Variants in LHFPL3 observed in about 807,000 individuals in gnomAD.
LHFPL3 encodes the protein LHFPL tetraspan subfamily member 3 protein.
A neutral mutation model predicts 19.3 loss-of-function variants in LHFPL3; 5 were observed. The ratio of observed to expected loss-of-function variants is 0.26; its 90% CI spans 0.14 to 0.54. LHFPL3 has a LOEUF of 0.54. Among genes scored for constraint, LHFPL3 ranks in the 20% least tolerant of loss-of-function variants. The pLI, the probability that LHFPL3 is intolerant of heterozygous loss-of-function variation, is 0.94. For missense variants in LHFPL3, 249 were observed against 307.4 expected, an observed-to-expected ratio of 0.81 and a Z score of 1.42; for synonymous variants, 133 against 126.2, an observed-to-expected ratio of 1.05 and a Z score of -0.36.
At chr7:104,336,219 T>C (rs1436277826) in intron 1 of LHFPL3, among the ~76,000 whole-genome samples, 1 of 152,116 alleles carries the variant, frequency 6.6e-6, no homozygotes, top group African/African-American at 2.4e-5. Context: ...TTAGTAATAA[T>C]GATGGAAAGT....
chr7:104,764,287 G>A (rs1029631462), intron 2 of LHFPL3, among the ~76,000 whole-genome samples: 2 of 152,120 alleles, frequency 1.3e-5, no homozygotes, highest in African/African-American at 4.8e-5. Context: ...TCCTACCTCA[G>A]CCTCCTGAGT....
At chr7:104,511,815 TAAAAAG>T (rs1315927588) in intron 1 of LHFPL3, among the ~76,000 whole-genome samples, 2 of 151,990 alleles carry the variant, frequency 1.3e-5, no homozygotes, top group Non-Finnish European at 2.9e-5. Context: ...CCTGTTGAAA[TAAAAAG>T]AAAATTAAAA....
intron 1 of LHFPL3, among the ~76,000 whole-genome samples, chr7:104,417,908 G>T (rs187231742): frequency 2.2e-5 from 3 of 135,966 alleles, no homozygotes; most frequent in Admixed American, 2.2e-4. Context: ...TTTGAGATGG[G>T]GTCTTGCTCT....
At chr7:104,607,689 C>G (rs10256893) in intron 1 of LHFPL3, among the ~76,000 whole-genome samples, 25 of 152,106 alleles carry the variant, frequency 1.6e-4, no homozygotes, top group African/African-American at 5.8e-4. Flanking sequence ...GCAAAAGAAA[C>G]TACCGTCAGA....
chr7:104,818,568 A>T (rs1790612789), intron 2 of LHFPL3, among the ~76,000 whole-genome samples: 1 of 152,186 alleles, frequency 6.6e-6, no homozygotes, highest in Admixed American at 6.5e-5. Flanking sequence ...CACCCCATTA[A>T]GATTCTTTTG....
intron 1 of LHFPL3, among the ~76,000 whole-genome samples, chr7:104,390,797 C>T (rs184867710): frequency 0.066 from 10,056 of 152,240 alleles, 353 homozygotes; most frequent in Middle Eastern, 0.099. Context: ...TACAGCCCCA[C>T]CAACAGTGTA....
intron 2 of LHFPL3, among the ~76,000 whole-genome samples, chr7:104,764,033 T>C (rs1794416683): frequency 6.6e-6 from 1 of 152,200 alleles, no homozygotes; most frequent in African/African-American, 2.4e-5. Flanking sequence ...CTAGCTCTCT[T>C]CAACCTACTT....
intron 2 of LHFPL3, chr7:104,895,257 T>C (rs1340844634): frequency 6.6e-6 from 1 of 152,224 alleles, no homozygotes; most frequent in Non-Finnish European, 1.5e-5. Context: ...TCCGGATGTT[T>C]CTGCTGCATC....
At chr7:104,745,034 A>T (rs973181834) in intron 2 of LHFPL3, among the ~76,000 whole-genome samples, 4 of 152,158 alleles carry the variant, frequency 2.6e-5, no homozygotes, top group African/African-American at 9.7e-5. Flanking sequence ...AGCTTACCCG[A>T]TACCCTTTTT....
intron 1 of LHFPL3, among the ~76,000 whole-genome samples, chr7:104,450,933 C>A (rs1792425055): frequency 6.6e-6 from 1 of 152,160 alleles, no homozygotes; most frequent in Non-Finnish European, 1.5e-5. Flanking sequence ...AAAGCCTTCA[C>A]TAAATCAACA....
chr7:104,354,161 C>T (rs1156931891), intron 1 of LHFPL3, among the ~76,000 whole-genome samples: 1 of 152,154 alleles, frequency 6.6e-6, no homozygotes, highest in Non-Finnish European at 1.5e-5. Flanking sequence ...TATTTTTAAA[C>T]TGTTTCCACG....
At chr7:104,365,408 G>C (rs1182793789) in intron 1 of LHFPL3, among the ~76,000 whole-genome samples, 1 of 151,934 alleles carries the variant, frequency 6.6e-6, no homozygotes, top group Non-Finnish European at 1.5e-5. Context: ...AGACAGACTG[G>C]AATGATGAGT....
intron 2 of LHFPL3, among the ~76,000 whole-genome samples, chr7:104,832,200 G>A (rs4382394): frequency 0.22 from 32,948 of 151,872 alleles, 3,972 homozygotes; most frequent in South Asian, 0.39. Flanking sequence ...AGATGCACCG[G>A]ATAATTGTCA....
chr7:104,692,027 A>G (rs918449402), intron 1 of LHFPL3, among the ~76,000 whole-genome samples: 3 of 152,228 alleles, frequency 2.0e-5, no homozygotes, highest in Non-Finnish European at 4.4e-5. Flanking sequence ...TTTAGCAAAG[A>G]GACTGGTGGC....
At chr7:104,808,021 C>T (rs563324094) in intron 2 of LHFPL3, among the ~76,000 whole-genome samples, 15 of 152,314 alleles carry the variant, frequency 9.8e-5, no homozygotes, top group African/African-American at 2.9e-4. Flanking sequence ...TACTCCATCT[C>T]GGCTGAAGAG....
At chr7:104,850,546 C>T (rs748183680) in intron 2 of LHFPL3, among the ~76,000 whole-genome samples, 1 of 152,186 alleles carries the variant, frequency 6.6e-6, no homozygotes, top group Non-Finnish European at 1.5e-5. Flanking sequence ...ACCTCCAACA[C>T]CCTGATGCAG....
chr7:104,602,213 G>A (rs1316887667), intron 1 of LHFPL3, among the ~76,000 whole-genome samples: 1 of 151,684 alleles, frequency 6.6e-6, no homozygotes, highest in African/African-American at 2.4e-5. Context: ...TAGAGACAGG[G>A]TTTCACCATG....
In LHFPL3 at chr7:104,687,134, G is replaced by A. The variant is rs149134965; in HGVS notation, c.446-49541G>A. Among the ~76,000 whole-genome samples, 176 of 152,308 alleles carry A rather than the reference G, an allele frequency of 1.2e-3. 1 individual carries two copies. The highest frequency in any genetic ancestry group is 3.6e-3 in the African/African-American group (151 of 41,580). On this transcript the variant is annotated intron_variant, in intron 1 of 2. Transcript: ENST00000424859. Reference sequence around the variant, plus strand: ...CAGGGGTTCCCAAAACCCCTCCTCAGGTTTGACTTCTTTGCTGGGCAGCTC... The same window carrying A: ...CAGGGGTTCCCAAAACCCCTCCTCAAGTTTGACTTCTTTGCTGGGCAGCTC...
intron 1 of LHFPL3, among the ~76,000 whole-genome samples, chr7:104,548,313 G>GA (rs1162568230): frequency 2.0e-5 from 3 of 150,770 alleles, no homozygotes; most frequent in Non-Finnish European, 2.9e-5. Flanking sequence ...GAAAGTAAGA[G>GA]AAAAAAAGTA....
Sources: allele counts gnomAD v4.1 joint callset (sites outside exome capture counted in the v4.1 genomes callset), GRCh38; gene constraint gnomAD v4.1.1; transcripts MANE v1.5; gene names NCBI Gene and HGNC (gene_info 2026-07-23, HGNC 2026-07-21).